OLFM2: variants seen among roughly 807,000 people sequenced by gnomAD.
OLFM2 encodes olfactomedin 2, also known as noelin-2.
Under a neutral mutation model 43.9 loss-of-function variants are expected in OLFM2, and 20 were observed. The observed-to-expected ratio is 0.46, with a 90% CI of 0.32 to 0.66. The LOEUF is 0.66. OLFM2 is among the 30% of genes least tolerant of loss of function. The pLI is 0.04. For missense variants in OLFM2, 416 were observed against 643.6 expected (o/e 0.65, Z 3.83); for synonymous variants, 268 against 278.6 (o/e 0.96, Z 0.38).
intron 1 of OLFM2, among the ~76,000 whole-genome samples, chr19:9,876,389 G>A (rs1016002260): frequency 6.6e-6 from 1 of 152,142 alleles, no homozygotes; most frequent in Non-Finnish European, 1.5e-5. Flanking sequence ...CCCAGGCAGC[G>A]GCTGGAGGGA....
chr19:9,913,711 G>A (rs1422965708), intron 1 of OLFM2: 1 of 1,045,350 alleles, frequency 9.6e-7, no homozygotes, highest in African/African-American at 1.8e-5. Flanking sequence ...AGGCGCCCCG[G>A]GGGGGCGTGG....
rs189400825 is a variant in OLFM2, at chr19:9,896,491, G to A, written c.64-35697C>T. ...TAGCTTACTGCAGCCTGGAACTCCT[G>A]GCTCAAGCCATCCTCCCACCCCGGC... is the stretch of plus-strand genomic sequence containing the variant. On this transcript the variant is annotated intron_variant, in intron 1 of 5. Transcript: ENST00000264833. 5.9e-5 allele frequency among the ~76,000 whole-genome samples: 9 copies of A among 152,254 alleles called. No homozygotes were observed. The East Asian group carries it at 1.5e-3, about 26-fold the overall frequency.
intron 1 of OLFM2, among the ~76,000 whole-genome samples, chr19:9,900,935 G>A (rs1328310818): frequency 4.1e-5 from 5 of 120,524 alleles, no homozygotes; most frequent in African/African-American, 1.3e-4. Context: ...GAAAGGGAAG[G>A]GGAGGGAAGG....
At chr19:9,905,821 G>C (rs2046781480) in intron 1 of OLFM2, among the ~76,000 whole-genome samples, 1 of 152,096 alleles carries the variant, frequency 6.6e-6, no homozygotes, top group African/African-American at 2.4e-5. Flanking sequence ...TACAGGCCTT[G>C]GCAGCCTGGC....
intron 1 of OLFM2, among the ~76,000 whole-genome samples, chr19:9,926,683 G>C (rs185756508): frequency 1.4e-3 from 219 of 151,120 alleles, no homozygotes; most frequent in African/African-American, 5.0e-3. Flanking sequence ...ACTATTACCA[G>C]CTCACTAAAT....
At chr19:9,860,458 T>G (rs1599465562) in intron 2 of OLFM2, among the ~76,000 whole-genome samples, 187 bp downstream of exon 2, 24 of 133,384 alleles carry the variant, frequency 1.8e-4, no homozygotes, top group Admixed American at 3.2e-4. Flanking sequence ...GGTAACAGAG[T>G]GAGACCCTGT....
At chr19:9,932,474 A>G (rs1430447272) in intron 1 of OLFM2, among the ~76,000 whole-genome samples, 5 of 151,802 alleles carry the variant, frequency 3.3e-5, no homozygotes, top group Non-Finnish European at 7.4e-5. Flanking sequence ...AAAAAAAAGA[A>G]AGAAAGAGAG....
chr19:9,935,371 C>T lies in OLFM2; in HGVS notation c.63+933G>A, dbSNP rs185007260. 2.0e-4 allele frequency among the ~76,000 whole-genome samples: 30 copies of T among 152,200 alleles called. No individual in the cohort carries two copies. In the East Asian group the frequency reaches 4.3e-3, roughly 22 times the overall value. ...GGGGCTTTCCAATAGCAAAAGAGAGCGTGGACGCCCCACATTTTGCAAGCC... is the reference window on the plus strand; with the variant it reads ...GGGGCTTTCCAATAGCAAAAGAGAGTGTGGACGCCCCACATTTTGCAAGCC... On this transcript the variant is annotated intron_variant, in intron 1 of 5. Coordinates refer to ENST00000264833, the MANE Select transcript of OLFM2 (RefSeq NM_058164.4).
At chr19:9,901,575 C>A (rs1156798132) in intron 1 of OLFM2, among the ~76,000 whole-genome samples, 2 of 152,212 alleles carry the variant, frequency 1.3e-5, no homozygotes, top group African/African-American at 2.4e-5. Flanking sequence ...CTGAACTTCC[C>A]TCTGTACTCC....
At chr19:9,929,856 A>C (rs903615039) in intron 1 of OLFM2, among the ~76,000 whole-genome samples, 1 of 151,916 alleles carries the variant, frequency 6.6e-6, no homozygotes, top group Non-Finnish European at 1.5e-5. Context: ...CCTGACCAAC[A>C]TGGAGAACCC....
At chr19:9,880,847 G>C (rs1424793472) in intron 1 of OLFM2, among the ~76,000 whole-genome samples, 1 of 152,138 alleles carries the variant, frequency 6.6e-6, no homozygotes, top group African/African-American at 2.4e-5. Context: ...CATTTCTGCA[G>C]CTTTGGCGCT....
intron 1 of OLFM2, among the ~76,000 whole-genome samples, chr19:9,873,011 T>G (rs2046456058): frequency 6.6e-6 from 1 of 152,166 alleles, no homozygotes; most frequent in Non-Finnish European, 1.5e-5. Flanking sequence ...TAGAGCCCCA[T>G]CTCATGGTAG....
chr19:9,857,664 C>A lies in OLFM2; in HGVS notation c.360+51G>T, dbSNP rs746878106. The stretch of plus-strand genomic sequence containing the variant: ...ACTCCATTGTAGGAACTAATGGATA[C>A]CAAATCCCAGTCATTTGTTTGACCT... On this transcript the variant is annotated intron_variant, in intron 3 of 5. Transcript: ENST00000264833. The surrounding 1 kb of genome is among the most constrained non-coding windows in gnomAD (Gnocchi z 5.7). 6.2e-7 allele frequency: 1 copy of A among 1,613,296 alleles called. No homozygotes were observed. Among genetic ancestry groups the A allele is most frequent in the Non-Finnish European group, 8.5e-7 (1 of 1,179,494 alleles).
At chr19:9,868,212 G>T (rs1209567516) in intron 1 of OLFM2, among the ~76,000 whole-genome samples, 1 of 152,046 alleles carries the variant, frequency 6.6e-6, no homozygotes. Context: ...ACAGGCACCT[G>T]CCATTATGCC....
intron 1 of OLFM2, among the ~76,000 whole-genome samples, chr19:9,889,227 G>A (rs1198398898): frequency 1.3e-5 from 2 of 151,998 alleles, no homozygotes; most frequent in African/African-American, 4.8e-5. Context: ...TGGTGTGTAT[G>A]TGTGCAACTG....
At chr19:9,916,009 A>G (rs911637739) in intron 1 of OLFM2, among the ~76,000 whole-genome samples, 4 of 152,192 alleles carry the variant, frequency 2.6e-5, no homozygotes, top group African/African-American at 9.6e-5. Flanking sequence ...TTTGTAAAAT[A>G]CTTTACAAGT....
intron 1 of OLFM2, among the ~76,000 whole-genome samples, chr19:9,867,136 G>A (rs867253623): frequency 1.3e-4 from 20 of 152,094 alleles, no homozygotes; most frequent in South Asian, 4.1e-4. Flanking sequence ...TTTGGGAGGT[G>A]AAGGTGGGCG....
intron 1 of OLFM2, among the ~76,000 whole-genome samples, chr19:9,879,788 G>A (rs375974929): frequency 7.5e-6 from 1 of 133,592 alleles, no homozygotes; most frequent in Non-Finnish European, 1.6e-5. Flanking sequence ...ACTCTTTTTT[G>A]TCTTTTGAGG....
intron 1 of OLFM2, among the ~76,000 whole-genome samples, chr19:9,906,195 G>A (rs1599492804): frequency 6.6e-6 from 1 of 152,130 alleles, no homozygotes; most frequent in Non-Finnish European, 1.5e-5. Flanking sequence ...TTGATGGGGC[G>A]GCGGGGAGAA....
Sources: allele counts gnomAD v4.1 joint callset (sites outside exome capture counted in the v4.1 genomes callset), GRCh38; gene constraint gnomAD v4.1.1; non-coding constraint Gnocchi (gnomAD v3.1); transcripts MANE v1.5; gene names NCBI Gene and HGNC (gene_info 2026-07-23, HGNC 2026-07-21).